EYA4: variants seen among roughly 807,000 people sequenced by gnomAD.
EYA4 encodes protein phosphatase EYA4.
A neutral mutation model predicts 87.9 loss-of-function variants in EYA4; 31 were observed. The ratio of observed to expected loss-of-function variants is 0.35; its 90% CI spans 0.27 to 0.48. EYA4 has a LOEUF of 0.48. EYA4 is among the 20% of genes least tolerant of loss of function. The pLI, the probability that EYA4 is intolerant of heterozygous loss-of-function variation, is 0.99. For synonymous variants in EYA4, 263 were observed against 270.6 expected (o/e 0.97, Z 0.28); for missense variants, 678 against 761.4 (o/e 0.89, Z 1.29).
At chr6:133,379,363 G>C (rs947263954) in intron 2 of EYA4, among the ~76,000 whole-genome samples, 1 of 152,082 alleles carries the variant, frequency 6.6e-6, no homozygotes, top group African/African-American at 2.4e-5. Flanking sequence ...ATGGAAGAGT[G>C]TGTTCAAATT....
chr6:133,517,282 A>C (rs537112271), intron 17 of EYA4, among the ~76,000 whole-genome samples: 1 of 151,606 alleles, frequency 6.6e-6, no homozygotes, highest in South Asian at 2.1e-4. Context: ...TATTAGGCTT[A>C]ATACCTGGAT....
At chr6:133,254,432 T>G (rs9389061) in intron 1 of EYA4, among the ~76,000 whole-genome samples, 28,586 of 152,056 alleles carry the variant, frequency 0.19, 2,835 homozygotes, top group Non-Finnish European at 0.2. Context: ...AATTACATCT[T>G]TTTTTTCAGG....
At chr6:133,253,079 T>C (rs1775052309) in intron 1 of EYA4, among the ~76,000 whole-genome samples, 1 of 152,062 alleles carries the variant, frequency 6.6e-6, no homozygotes. Context: ...CAGCATACTG[T>C]GTTTGACCAA....
chr6:133,469,087 T>G (rs1275423686), intron 11 of EYA4, among the ~76,000 whole-genome samples: 1 of 152,052 alleles, frequency 6.6e-6, no homozygotes, highest in African/African-American at 2.4e-5. Flanking sequence ...GCCCTTCACC[T>G]TTGTAAGTTG....
intron 3 of EYA4, among the ~76,000 whole-genome samples, chr6:133,421,285 A>T (rs979516420): frequency 6.6e-6 from 1 of 152,198 alleles, no homozygotes; most frequent in African/African-American, 2.4e-5. Flanking sequence ...TGTCATTCAG[A>T]TCGTCTTAGT....
rs774702620 is a variant in EYA4 at position 133,462,606 on chromosome 6, C to G, written c.581-15C>G. 3 of 1,613,688 alleles carry G rather than the reference C, an allele frequency of 1.9e-6. No homozygotes were observed. Among genetic ancestry groups the G allele is most frequent in the East Asian group, 4.5e-5 (2 of 44,878 alleles). On this transcript the variant is annotated splice_polypyrimidine_tract_variant and intron_variant, in intron 8 of 19. Transcript: ENST00000355286. Reference sequence around the variant, plus strand: ...TTACTAATTAAATGGTTTACACATTCAATTTTCTGAACAGATTTGGGTGTG... The same window carrying G: ...TTACTAATTAAATGGTTTACACATTGAATTTTCTGAACAGATTTGGGTGTG...
rs188406160 is a variant in EYA4 at position 133,338,501 on chromosome 6, A to G, written c.34-43891A>G. The stretch of plus-strand genomic sequence containing the variant: ...GGCTCTGTCAGGAAGTTTTCTACTT[A>G]TTTATAGTGATAACAATTCATACAA... On this transcript the variant is annotated intron_variant, in intron 2 of 19. Coordinates refer to ENST00000355286, the MANE Select transcript of EYA4 (RefSeq NM_004100.5). Among the ~76,000 whole-genome samples the G allele has an allele frequency of 3.5e-3, 530 of 152,258 alleles. 4 individuals carry two copies. Among genetic ancestry groups the G allele is most frequent in the African/African-American group, 0.012 (480 of 41,556 alleles).
In EYA4 at chr6:133,410,896, G is replaced by T. The variant is rs182653018; in HGVS notation, c.83+28455G>T. ...GGGAAGAGAGTTGAAGAAGATCAAA[G>T]TAGCAGTACTGAAGTTGGAGCTTTA... is the stretch of plus-strand genomic sequence containing the variant. On this transcript the variant is annotated intron_variant, in intron 3 of 19. Transcript: ENST00000355286. Among the ~76,000 whole-genome samples, 336 of 152,068 alleles carry T rather than the reference G, an allele frequency of 2.2e-3. 1 individual carries two copies. The highest frequency in any genetic ancestry group is 7.3e-3 in the African/African-American group (303 of 41,518).
At chr6:133,416,750 C>T (rs1401177471) in intron 3 of EYA4, among the ~76,000 whole-genome samples, 1 of 152,178 alleles carries the variant, frequency 6.6e-6, no homozygotes, top group Non-Finnish European at 1.5e-5. Context: ...AAGAGTAGAA[C>T]CACACTCCTT....
intron 2 of EYA4, among the ~76,000 whole-genome samples, chr6:133,344,331 T>C (rs1783040400): frequency 2.0e-5 from 3 of 152,218 alleles, no homozygotes; most frequent in Non-Finnish European, 4.4e-5. Flanking sequence ...GAGATATCTA[T>C]GCCCCTTTCC....
At chr6:133,502,475 T>C (rs562362143) in intron 13 of EYA4, 2 of 152,336 alleles carry the variant, frequency 1.3e-5, no homozygotes, top group African/African-American at 4.8e-5. Context: ...CATTCTCACA[T>C]GCCTGATAAA....
At chr6:133,412,217 G>A (rs1327316991) in intron 3 of EYA4, among the ~76,000 whole-genome samples, 2 of 152,144 alleles carry the variant, frequency 1.3e-5, no homozygotes, top group Admixed American at 1.3e-4. Context: ...TGACTTTCAT[G>A]ATGTAAGTGT....
At chr6:133,293,707 C>T (rs2056037366) in intron 2 of EYA4, among the ~76,000 whole-genome samples, 1 of 151,672 alleles carries the variant, frequency 6.6e-6, no homozygotes, top group Non-Finnish European at 1.5e-5. Context: ...AGGCTGAGGC[C>T]AGGGGATTTC....
chr6:133,259,736 A>G (rs1000358047), intron 1 of EYA4, among the ~76,000 whole-genome samples: 2 of 152,230 alleles, frequency 1.3e-5, no homozygotes, highest in East Asian at 1.9e-4. Flanking sequence ...GCCATATTAT[A>G]TAACTCTCAT....
Position 133,484,696 on chromosome 6 carries a change from T to A in EYA4, c.1191+1581T>A, listed in dbSNP as rs7746607. On this transcript the variant is annotated intron_variant, in intron 13 of 19. Coordinates refer to ENST00000355286, the MANE Select transcript of EYA4 (RefSeq NM_004100.5). ...CTTATCAGAAGTACACAGTAAATCC[T>A]GTTGAGCTGATTGCAATATTTTTGT... 5.2e-3 allele frequency among the ~76,000 whole-genome samples: 790 copies of A among 152,354 alleles called. 32 individuals are homozygous for A. In the East Asian group the frequency reaches 0.09, roughly 17 times the overall value.
In EYA4 at chr6:133,528,983, C is replaced by G; in HGVS notation, c.*178C>G. ...TGAATGGAGTTAAACTTTAGTGCTACAGAAAAGAAACTCTATGGTCTTATA... is the reference window on the plus strand; with the variant it reads ...TGAATGGAGTTAAACTTTAGTGCTAGAGAAAAGAAACTCTATGGTCTTATA... On this transcript the variant is annotated 3_prime_UTR_variant, in exon 20 of 20. Transcript: ENST00000355286. 1 of 1,447,650 alleles carries G rather than the reference C, an allele frequency of 6.9e-7. No individual in the cohort carries two copies. Among genetic ancestry groups the G allele is most frequent in the Non-Finnish European group, 9.1e-7 (1 of 1,100,686 alleles). The allele number at this position is 1,447,650 out of a possible 1,614,324, so 89.7% of individuals were successfully genotyped here.
At chr6:133,404,761 C>T (rs533432337) in intron 3 of EYA4, among the ~76,000 whole-genome samples, 99 of 152,264 alleles carry the variant, frequency 6.5e-4, no homozygotes, top group African/African-American at 2.3e-3. Flanking sequence ...CATTGAGTTT[C>T]GGGATGTCCT....
intron 3 of EYA4, among the ~76,000 whole-genome samples, chr6:133,446,208 G>A (rs147935748): frequency 1.3e-5 from 2 of 152,186 alleles, no homozygotes; most frequent in Non-Finnish European, 2.9e-5. Flanking sequence ...GTTTAGGAGG[G>A]TGGGTATGCA....
At chr6:133,357,563 A>G (rs776026566) in intron 2 of EYA4, among the ~76,000 whole-genome samples, 1 of 152,180 alleles carries the variant, frequency 6.6e-6, no homozygotes, top group Non-Finnish European at 1.5e-5. Context: ...TTCTCACACT[A>G]TACATTTCAG....
Sources: gnomAD v4.1 joint callset for allele counts (sites outside exome capture counted in the v4.1 genomes callset) on GRCh38, gnomAD v4.1.1 for gene constraint, MANE v1.5 for transcripts, NCBI Gene and HGNC (gene_info 2026-07-23, HGNC 2026-07-21) for gene names.